ATF6: variants seen among roughly 807,000 people sequenced by gnomAD.
ATF6 encodes the protein cyclic AMP-dependent transcription factor ATF-6 alpha.
A neutral mutation model predicts 83.6 loss-of-function variants in ATF6; 53 were observed. The observed-to-expected ratio is 0.63, with a 90% CI of 0.51 to 0.80. The LOEUF (loss-of-function observed/expected upper bound fraction) is 0.80. Ranked by LOEUF, ATF6 falls within the 30% of genes least tolerant of loss-of-function variation. The pLI is 0.00. For missense variants in ATF6, 744 were observed against 797.9 expected, an observed-to-expected ratio of 0.93 and a Z score of 0.81; for synonymous variants, 288 against 285.8, an observed-to-expected ratio of 1.01 and a Z score of -0.08.
rs551582429 is a variant in ATF6 at position 161,810,058 on chromosome 1, G to T, written c.909+7786G>T. 2.6e-5 allele frequency among the ~76,000 whole-genome samples: 4 copies of T among 152,342 alleles called. No homozygotes were observed. In the South Asian group the frequency reaches 8.3e-4, roughly 32 times the overall value. Reference sequence around the variant, plus strand: ...TTTTACCAAATGGTCCTCCATTGAGGTAGTTCTAATTGAGAAGTCAGTCAC... The same window carrying T: ...TTTTACCAAATGGTCCTCCATTGAGTTAGTTCTAATTGAGAAGTCAGTCAC... On this transcript the variant is annotated intron_variant, in intron 7 of 15. Transcript: ENST00000367942.
At chr1:161,950,702 G>A (rs1396122850) in intron 15 of ATF6, among the ~76,000 whole-genome samples, 4 of 152,142 alleles carry the variant, frequency 2.6e-5, no homozygotes, top group Non-Finnish European at 1.5e-5. Flanking sequence ...CCTTCAAAAT[G>A]ATTTTTTACC....
intron 15 of ATF6, among the ~76,000 whole-genome samples, chr1:161,951,011 A>G (rs1022182849): frequency 2.0e-5 from 3 of 152,236 alleles, no homozygotes; most frequent in Non-Finnish European, 4.4e-5. Flanking sequence ...ATCTAATACC[A>G]TTAGTCTTTG....
intron 9 of ATF6, among the ~76,000 whole-genome samples, chr1:161,828,594 G>T (rs1390339262): frequency 6.6e-6 from 1 of 152,156 alleles, no homozygotes; most frequent in African/African-American, 2.4e-5. Flanking sequence ...GGGAACAAAA[G>T]TTGCCCTACC....
chr1:161,890,764 G>A (rs1000027879), intron 14 of ATF6: 4 of 152,802 alleles, frequency 2.6e-5, no homozygotes, highest in Non-Finnish European at 5.8e-5. Context: ...GGGCGGGGGC[G>A]TGACTTCCTG....
chr1:161,925,319 C>T (rs984274882), intron 15 of ATF6, among the ~76,000 whole-genome samples: 14 of 152,164 alleles, frequency 9.2e-5, no homozygotes, highest in African/African-American at 2.9e-4. Flanking sequence ...TTTCTAGTTA[C>T]ATCATACATT....
At chr1:161,885,979 C>G (rs1386812300) in intron 14 of ATF6, among the ~76,000 whole-genome samples, 1 of 152,178 alleles carries the variant, frequency 6.6e-6, no homozygotes, top group Middle Eastern at 3.2e-3. Flanking sequence ...CTTTCAACAG[C>G]TTTATGAGGT....
Position 161,784,015 on chromosome 1 carries a change from G to A in ATF6, c.273G>A (p.Gln91=), listed in dbSNP as rs1557958261. ...CTVKDIKAEP[Q]PLSPASSSYS... ...TTAAAGATATTAAGGCAGAACCTCA[G>A]CCACTTTCTCCAGCCTCCTCAAGTT... The change falls in exon 4 of 16, where the codon CAG becomes CAA. Residue 91 remains glutamine, a synonymous_variant. Coordinates refer to ENST00000367942, the MANE Select transcript of ATF6 (RefSeq NM_007348.4). 2.5e-6 allele frequency: 4 copies of A among 1,613,474 alleles called. No individual in the cohort carries two copies. The highest frequency in any genetic ancestry group is 3.3e-4 in the Middle Eastern group (2 of 6,062).
At chr1:161,853,561 C>T (rs567323204) in intron 12 of ATF6, among the ~76,000 whole-genome samples, 1 of 152,246 alleles carries the variant, frequency 6.6e-6, no homozygotes, top group South Asian at 2.1e-4. Flanking sequence ...CTATTTCTTG[C>T]TCTCACCTTC....
intron 15 of ATF6, among the ~76,000 whole-genome samples, chr1:161,943,183 A>G (rs1028149150): frequency 6.6e-6 from 1 of 152,156 alleles, no homozygotes; most frequent in Admixed American, 6.5e-5. Context: ...TATAATTCCC[A>G]CATGTCAAGA....
At chr1:161,848,397 T>C (rs184129172) in intron 10 of ATF6, among the ~76,000 whole-genome samples, 63 of 152,196 alleles carry the variant, frequency 4.1e-4, no homozygotes, top group Non-Finnish European at 6.8e-4. Context: ...GCAGCTTACT[T>C]TATGTTTCTT....
chr1:161,903,674 G>A (rs188453096), intron 14 of ATF6, among the ~76,000 whole-genome samples: 2 of 151,928 alleles, frequency 1.3e-5, no homozygotes, highest in East Asian at 3.9e-4. Context: ...ATAAACAATC[G>A]GTGCAATAGG....
chr1:161,947,280 TA>T (rs34982394), intron 15 of ATF6, among the ~76,000 whole-genome samples: 2,292 of 152,304 alleles, frequency 0.015, 169 homozygotes, highest in Admixed American at 0.12. Context: ...GGAAAATTAC[TA>T]AGTGGAAACA....
At chr1:161,864,919 AC>A (rs1686958777) in intron 14 of ATF6, among the ~76,000 whole-genome samples, 1 of 152,212 alleles carries the variant, frequency 6.6e-6, no homozygotes, top group East Asian at 1.9e-4. Flanking sequence ...TGAAGAAGAA[AC>A]CTGCTGGGTG....
intron 1 of ATF6, among the ~76,000 whole-genome samples, chr1:161,770,208 A>C (rs950258487): frequency 6.6e-6 from 1 of 152,142 alleles, no homozygotes; most frequent in Admixed American, 6.5e-5. Context: ...TCTTTCACTT[A>C]GCAATATGCA....
In ATF6 at chr1:161,912,372, A is replaced by G. The variant is rs1688008799; in HGVS notation, c.1796A>G (p.Asn599Ser). The change falls in exon 15 of 16, where the codon AAC (asparagine) becomes AGC (serine). Residue 599 changes from asparagine to serine, a missense_variant. By Grantham distance (46) the Asn-to-Ser change is conservative. Transcript: ENST00000367942. ...PKMSIVLPAI[N>S]INENVINGQD... is the part of the protein sequence containing the mutation. Reference sequence around the variant, plus strand: ...ATGTCAATTGTGTTACCAGCAATAAACATAAATGGTAAGTTGAAATTCTGA... The same window carrying G: ...ATGTCAATTGTGTTACCAGCAATAAGCATAAATGGTAAGTTGAAATTCTGA... 2 of 1,606,516 alleles carry G rather than the reference A, an allele frequency of 1.2e-6. No individual in the cohort carries two copies. The highest frequency in any genetic ancestry group is 1.1e-5 in the South Asian group (1 of 89,928).
intron 13 of ATF6, among the ~76,000 whole-genome samples, chr1:161,860,886 A>G (rs1334471611): frequency 2.0e-5 from 3 of 152,148 alleles, no homozygotes; most frequent in Non-Finnish European, 4.4e-5. Context: ...ACAGGTTTAA[A>G]TGTCTTCAAA....
chr1:161,768,907 T>A (rs1684326521), intron 1 of ATF6, among the ~76,000 whole-genome samples: 1 of 152,182 alleles, frequency 6.6e-6, no homozygotes, highest in Non-Finnish European at 1.5e-5. Flanking sequence ...AGTTAAAATT[T>A]AAAAATCAGA....
At chr1:161,927,413 C>T (rs1366470731) in intron 15 of ATF6, among the ~76,000 whole-genome samples, 4 of 152,196 alleles carry the variant, frequency 2.6e-5, no homozygotes, top group Non-Finnish European at 5.9e-5. Flanking sequence ...AAGCAATCCT[C>T]CTGCCTCAGC....
rs1689108793 is a variant in ATF6, at chr1:161,961,909, GT to G, written c.*3257del. 4 of 152,210 alleles carry G rather than the reference GT, an allele frequency of 2.6e-5. No individual in the cohort carries two copies. The highest frequency in any genetic ancestry group is 2.6e-4 in the Admixed American group (4 of 15,276). 9.4% of individuals were successfully genotyped at this position (152,210 alleles called of 1,614,324 possible). On this transcript the variant is annotated 3_prime_UTR_variant, in exon 16 of 16. Transcript: ENST00000367942. ...GATGTTAGGAGCTTGTCCCTTTGGG[GT>G]TGACTTATGCCCAGCAGTACAGGGA...
Sources: gnomAD v4.1 joint callset for allele counts (sites outside exome capture counted in the v4.1 genomes callset) on GRCh38, gnomAD v4.1.1 for gene constraint, MANE v1.5 for transcripts, NCBI Gene and HGNC (gene_info 2026-07-23, HGNC 2026-07-21) for gene names.